WDFY4: variants seen among roughly 807,000 people sequenced by gnomAD.
WDFY4 encodes WDFY family member 4.
WDFY4 carries 169 observed loss-of-function variants against 351.9 expected under a neutral mutation model. The observed-to-expected ratio is 0.48, with a 90% CI of 0.42 to 0.55. WDFY4 has a LOEUF of 0.55. Among genes scored for constraint, WDFY4 ranks in the 20% least tolerant of loss-of-function variants. WDFY4 has a pLI of 0.00. For synonymous variants in WDFY4, 1,622 were observed against 1,574.6 expected, an observed-to-expected ratio of 1.03 and a Z score of -0.71; for missense variants, 3,803 against 3,935.6, an observed-to-expected ratio of 0.97 and a Z score of 0.90.
At chr10:48,847,448 G>T (rs937145304) in intron 39 of WDFY4, among the ~76,000 whole-genome samples, 7 of 152,262 alleles carry the variant, frequency 4.6e-5, no homozygotes, top group Admixed American at 2.6e-4. Flanking sequence ...AAAGATGTTT[G>T]CATGGGCTGA....
chr10:48,712,140 A>G (rs1046831486), intron 2 of WDFY4, among the ~76,000 whole-genome samples: 1 of 152,240 alleles, frequency 6.6e-6, no homozygotes, highest in Non-Finnish European at 1.5e-5. Context: ...AGTCAAACAG[A>G]TCAAGGCTCA....
chr10:48,808,181 G>T (rs1425002960), intron 28 of WDFY4, among the ~76,000 whole-genome samples: 1 of 152,182 alleles, frequency 6.6e-6, no homozygotes, highest in Non-Finnish European at 1.5e-5. Flanking sequence ...ACTAGAAACA[G>T]ATTTGGTATA....
intron 10 of WDFY4, among the ~76,000 whole-genome samples, chr10:48,734,712 T>A (rs1433514774): frequency 1.3e-5 from 2 of 151,886 alleles, no homozygotes; most frequent in Non-Finnish European, 2.9e-5. Context: ...GCTGGCTAAA[T>A]GCATATTCCT....
intron 43 of WDFY4, among the ~76,000 whole-genome samples, chr10:48,884,547 C>T (rs998381470): frequency 1.0e-4 from 12 of 116,604 alleles, no homozygotes; most frequent in African/African-American, 3.6e-4. Context: ...TGTGCATACA[C>T]ACATGCACAC....
chr10:48,822,124 A>T (rs2067844540), intron 34 of WDFY4, among the ~76,000 whole-genome samples: 1 of 152,132 alleles, frequency 6.6e-6, no homozygotes, highest in Non-Finnish European at 1.5e-5. Context: ...TCCTCCAAAA[A>T]GCCACAGGAA....
intron 45 of WDFY4, 81 bp downstream of exon 45, chr10:48,897,655 A>G: frequency 6.7e-7 from 1 of 1,501,382 alleles, no homozygotes; most frequent in Non-Finnish European, 8.9e-7. Flanking sequence ...CCATCCAGAG[A>G]CACACCTCTG....
chr10:48,964,067 T>C lies in WDFY4; in HGVS notation c.8436+13T>C. 6 of 1,549,330 alleles carry C rather than the reference T, an allele frequency of 3.9e-6. No individual in the cohort carries two copies. Among genetic ancestry groups the C allele is most frequent in the Non-Finnish European group, 5.2e-6 (6 of 1,146,610 alleles). ...GGTGCCCAAACAGGTACAGCATGCC[T>C]TGTCATTTGCCTTGCTTTCTCAAAA... On this transcript the variant is annotated intron_variant, in intron 54 of 61. Transcript: ENST00000325239.
At chr10:48,886,729 C>T (rs1251192284) in intron 43 of WDFY4, among the ~76,000 whole-genome samples, 3 of 152,206 alleles carry the variant, frequency 2.0e-5, no homozygotes, top group Non-Finnish European at 4.4e-5. Context: ...GACTAAGACA[C>T]CTTCTAACTT....
chr10:48,732,337 G>T (rs1410859114), intron 9 of WDFY4, among the ~76,000 whole-genome samples: 1 of 152,116 alleles, frequency 6.6e-6, no homozygotes, highest in Non-Finnish European at 1.5e-5. Flanking sequence ...CCCTCAGTCT[G>T]TCTACACCTG....
Position 48,946,070 on chromosome 10 carries a change from C to T in WDFY4, c.7780C>T (p.Arg2594Trp), listed in dbSNP as rs773262948. ...GAACTTGGCAAATCCGAAGATTTTC[C>T]GGGATCTTTCAAAGCCCATGGGGGC... Reference protein sequence around the residue: ...TLNLANPKIFRDLSKPMGAQT... With the variant: ...TLNLANPKIFWDLSKPMGAQT... Residue 2594 changes from arginine to tryptophan, a missense_variant, in exon 50 of 62, where the codon CGG becomes TGG. Transcript: ENST00000325239. The T allele has an allele frequency of 8.4e-6, 13 of 1,544,810 alleles. No individual in the cohort carries two copies. Among genetic ancestry groups the T allele is most frequent in the African/African-American group, 1.4e-5 (1 of 72,536 alleles).
chr10:48,828,315 A>C (rs1279983722), intron 36 of WDFY4, among the ~76,000 whole-genome samples: 3 of 152,186 alleles, frequency 2.0e-5, no homozygotes, highest in African/African-American at 7.2e-5. Context: ...AAATTTCAAG[A>C]TGATGACAGC....
chr10:48,880,939 G>T (rs535973149), intron 43 of WDFY4, among the ~76,000 whole-genome samples: 114 of 152,256 alleles, frequency 7.5e-4, no homozygotes, highest in African/African-American at 2.6e-3. Context: ...AGGCAGGGGT[G>T]GGGTAAAAAC....
chr10:48,734,246 G>A (rs929952670), intron 10 of WDFY4, among the ~76,000 whole-genome samples: 1 of 152,124 alleles, frequency 6.6e-6, no homozygotes, highest in Non-Finnish European at 1.5e-5. Context: ...TTCTAAGGTT[G>A]CTAAATAAAG....
intron 47 of WDFY4, among the ~76,000 whole-genome samples, chr10:48,902,232 G>T (rs1401924111): frequency 6.6e-6 from 1 of 152,232 alleles, no homozygotes; most frequent in African/African-American, 2.4e-5. Flanking sequence ...TGTGATGAGG[G>T]TTTCTGAACG....
chr10:48,829,925 C>A (rs571026107), intron 37 of WDFY4, among the ~76,000 whole-genome samples: 51 of 152,302 alleles, frequency 3.3e-4, no homozygotes, highest in Admixed American at 1.1e-3. Flanking sequence ...AATCTCGTGA[C>A]TTTGAAGTTT....
In WDFY4 at chr10:48,964,124, G is replaced by A. The variant is rs547262890; in HGVS notation, c.8436+70G>A. On this transcript the variant is annotated intron_variant, in intron 54 of 61. Coordinates refer to ENST00000325239, the MANE Select transcript of WDFY4 (RefSeq NM_001394531.1). ...GTGCAGTGTGAGGACATTCTCTCCT[G>A]GGGTGAAAGTGAAGGAGATGGCTGA... 43 of 1,492,506 alleles carry A rather than the reference G, an allele frequency of 2.9e-5. 1 individual carries two copies. The highest frequency in any genetic ancestry group is 4.7e-4 in the Middle Eastern group (2 of 4,238). The allele number at this position is 1,492,506 out of a possible 1,614,324, so 92.5% of individuals were successfully genotyped here.
intron 47 of WDFY4, among the ~76,000 whole-genome samples, chr10:48,912,612 C>T (rs989600776): frequency 6.6e-5 from 10 of 152,248 alleles, no homozygotes; most frequent in Non-Finnish European, 1.5e-4. Context: ...GACACGGCCC[C>T]TGCACCTAGC....
At chr10:48,749,702 G>A (rs2065121953) in intron 12 of WDFY4, among the ~76,000 whole-genome samples, 1 of 152,156 alleles carries the variant, frequency 6.6e-6, no homozygotes, top group South Asian at 2.1e-4. Flanking sequence ...TTACCCTATA[G>A]GCAATGTGGA....
intron 19 of WDFY4, among the ~76,000 whole-genome samples, chr10:48,783,977 G>C (rs2066311074): frequency 6.6e-6 from 1 of 152,226 alleles, no homozygotes; most frequent in Admixed American, 6.5e-5. Flanking sequence ...GCAATATATG[G>C]AAGTATACTT....
Sources: allele counts gnomAD v4.1 joint callset (sites outside exome capture counted in the v4.1 genomes callset), GRCh38; gene constraint gnomAD v4.1.1; transcripts MANE v1.5; gene names NCBI Gene and HGNC (gene_info 2026-07-23, HGNC 2026-07-21).